Variants in U2SURP observed in about 807,000 individuals in gnomAD.
The protein encoded by U2SURP is U2 snRNP-associated SURP motif-containing protein.
U2SURP carries 9 observed loss-of-function variants against 144.9 expected under a neutral mutation model. That is an observed-to-expected ratio of 0.06 (90% CI 0.04 to 0.11). U2SURP has a LOEUF of 0.11. U2SURP is among the 10% of genes least tolerant of loss of function. The pLI, the probability that U2SURP is intolerant of heterozygous loss-of-function variation, is 1.00. For missense variants in U2SURP, 724 were observed against 1,226.7 expected (o/e 0.59, Z 6.12); for synonymous variants, 408 against 396.8 (o/e 1.03, Z -0.33).
chr3:143,025,024 T>C (rs1933046138), intron 13 of U2SURP, among the ~76,000 whole-genome samples: 1 of 152,158 alleles, frequency 6.6e-6, no homozygotes, highest in African/African-American at 2.4e-5. Flanking sequence ...ATTTTTAAAA[T>C]AAACACAATC....
At chr3:143,018,374 CTTCA>C (rs1936478619) in intron 6 of U2SURP, among the ~76,000 whole-genome samples, 1 of 152,100 alleles carries the variant, frequency 6.6e-6, no homozygotes, top group Non-Finnish European at 1.5e-5. Context: ...TGAATCAGTA[CTTCA>C]TTCCTTTTTG....
intron 12 of U2SURP, among the ~76,000 whole-genome samples, chr3:143,023,569 T>C (rs1397052059): frequency 6.6e-6 from 1 of 152,174 alleles, no homozygotes; most frequent in Non-Finnish European, 1.5e-5. Context: ...TTATAAGAAT[T>C]CGTTGGTTCT....
intron 24 of U2SURP, among the ~76,000 whole-genome samples, chr3:143,049,761 ATTC>A (rs1162541640): frequency 6.6e-6 from 1 of 152,206 alleles, no homozygotes; most frequent in Non-Finnish European, 1.5e-5. Context: ...TCATGAATTT[ATTC>A]TTTTTACTAT....
In U2SURP at chr3:143,056,890, C is replaced by T. The variant is rs1935176795; in HGVS notation, c.*440C>T. ...CCGGTGATATTAAGTCCCTTAAAGT[C>T]CTACTGAGTTTCACACTACTGTTGT... On this transcript the variant is annotated 3_prime_UTR_variant, in exon 28 of 28. Coordinates refer to ENST00000473835, the MANE Select transcript of U2SURP (RefSeq NM_001080415.2). The T allele has an allele frequency of 6.0e-6, 1 of 167,190 alleles. No individual in the cohort carries two copies. The highest frequency in any genetic ancestry group is 1.5e-4 in the South Asian group (1 of 6,588). 10.4% of individuals were successfully genotyped at this position (167,190 alleles called of 1,614,324 possible). A position where few individuals can be genotyped will look rare whatever the true frequency, so the allele number is the denominator to read the frequency against.
chr3:143,003,517 TAATA>T (rs1377533378), intron 1 of U2SURP, among the ~76,000 whole-genome samples: 2 of 152,190 alleles, frequency 1.3e-5, no homozygotes, highest in Non-Finnish European at 2.9e-5. Context: ...ATGAAGTACA[TAATA>T]AATCTTAATT....
chr3:143,035,823 T>A (rs985419354), intron 19 of U2SURP, among the ~76,000 whole-genome samples, 159 bp from the exon 20 acceptor site: 16 of 152,122 alleles, frequency 1.1e-4, no homozygotes, highest in African/African-American at 1.2e-4. Context: ...TTGATTTTTT[T>A]AAAAAATATG....
intron 24 of U2SURP, among the ~76,000 whole-genome samples, chr3:143,046,767 CT>C (rs1934485600): frequency 7.8e-6 from 1 of 127,416 alleles, no homozygotes; most frequent in Non-Finnish European, 1.6e-5. Context: ...TTTTCCCCAC[CT>C]TTCCCCCCCT....
At chr3:143,048,540 C>G (rs148089292) in intron 24 of U2SURP, among the ~76,000 whole-genome samples, 3 of 151,944 alleles carry the variant, frequency 2.0e-5, no homozygotes, top group African/African-American at 7.3e-5. Context: ...TTAAAACACA[C>G]GAAAAATGTA....
At position 143,056,653 on chromosome 3, in the gene U2SURP, G is replaced by A. The variant is rs1935165844; in HGVS notation, c.*203G>A. Reference sequence around the variant, plus strand: ...TATTGTGTAAATTACTTTCATTGTGGCTATTTCTCAAGATGAAATTTTTAT... The same window carrying A: ...TATTGTGTAAATTACTTTCATTGTGACTATTTCTCAAGATGAAATTTTTAT... On this transcript the variant is annotated 3_prime_UTR_variant, in exon 28 of 28. Coordinates refer to ENST00000473835, the MANE Select transcript of U2SURP (RefSeq NM_001080415.2). 1 of 524,916 alleles carries A rather than the reference G, an allele frequency of 1.9e-6. No homozygotes were observed. The highest frequency in any genetic ancestry group is 1.9e-5 in the African/African-American group (1 of 52,700). The allele number at this position is 524,916 out of a possible 1,614,324, so 32.5% of individuals were successfully genotyped here.
At chr3:143,048,641 A>T (rs1934673329) in intron 24 of U2SURP, among the ~76,000 whole-genome samples, 1 of 152,188 alleles carries the variant, frequency 6.6e-6, no homozygotes, top group South Asian at 2.1e-4. Flanking sequence ...AATATGTCTG[A>T]AATCCCACCA....
intron 8 of U2SURP, among the ~76,000 whole-genome samples, chr3:143,021,047 C>A (rs1359518718): frequency 6.6e-6 from 1 of 152,126 alleles, no homozygotes. Context: ...CAAAATTAGC[C>A]GGGCGTGGTG....
chr3:143,001,808 G>A (rs1400450640), intron 1 of U2SURP, 135 bp downstream of exon 1: 3 of 1,137,184 alleles, frequency 2.6e-6, no homozygotes, highest in African/African-American at 1.6e-5. Flanking sequence ...GGGCGCCGCC[G>A]CACCGTTGTG....
intron 23 of U2SURP, among the ~76,000 whole-genome samples, chr3:143,039,982 C>T (rs890924101): frequency 6.6e-6 from 1 of 151,890 alleles, no homozygotes; most frequent in African/African-American, 2.4e-5. Context: ...TTTAGGAATA[C>T]ACAAATTGAG....
chr3:143,004,162 G>T (rs1392224747), intron 1 of U2SURP, among the ~76,000 whole-genome samples: 7 of 152,102 alleles, frequency 4.6e-5, no homozygotes, highest in Non-Finnish European at 1.0e-4. Context: ...GGAGTGAACA[G>T]ATACTTCTGT....
At chr3:143,018,559 A>G (rs1397819393) in intron 6 of U2SURP, among the ~76,000 whole-genome samples, 1 of 151,782 alleles carries the variant, frequency 6.6e-6, no homozygotes, top group Non-Finnish European at 1.5e-5. Context: ...GTTCTCTTGG[A>G]TACATGTATA....
chr3:143,048,570 A>C (rs1019972457), intron 24 of U2SURP, among the ~76,000 whole-genome samples: 2 of 152,192 alleles, frequency 1.3e-5, no homozygotes, highest in Non-Finnish European at 2.9e-5. Context: ...AGAGCTTTGA[A>C]AGAAGAGAAG....
intron 16 of U2SURP, among the ~76,000 whole-genome samples, chr3:143,029,910 C>T (rs868254652): frequency 6.6e-5 from 10 of 152,210 alleles, no homozygotes; most frequent in Admixed American, 2.6e-4. Flanking sequence ...CCAGCCATAG[C>T]ACTCCCTTAT....
At chr3:143,015,275 T>A (rs1936310044) in intron 4 of U2SURP, among the ~76,000 whole-genome samples, 1 of 151,206 alleles carries the variant, frequency 6.6e-6, no homozygotes, top group Non-Finnish European at 1.5e-5. Context: ...ATCTGAACCA[T>A]TTTTTTCTAT....
intron 24 of U2SURP, 141 bp from the exon 25 acceptor site, chr3:143,050,798 G>T (rs1019095100): frequency 3.4e-5 from 19 of 553,882 alleles, no homozygotes; most frequent in African/African-American, 3.3e-4. Flanking sequence ...AGTTGGACTT[G>T]TCTGACAAGT....
Sources: allele counts gnomAD v4.1 joint callset (sites outside exome capture counted in the v4.1 genomes callset), GRCh38; gene constraint gnomAD v4.1.1; transcripts MANE v1.5; gene names NCBI Gene and HGNC (gene_info 2026-07-23, HGNC 2026-07-21).